The following CDH5 variants were observed in gnomAD, a reference collection of about 807,000 sequenced individuals.
The protein encoded by CDH5 is cadherin 5.
Under a neutral mutation model 62.0 loss-of-function variants are expected in CDH5, and 28 were observed. The observed-to-expected ratio is 0.45, with a 90% CI of 0.33 to 0.62. The LOEUF is 0.62. Among genes scored for constraint, CDH5 ranks in the 20% least tolerant of loss-of-function variants. The probability of loss-of-function intolerance (pLI) is 0.02; values close to 1 mark genes in which losing one functional copy is unlikely to be tolerated. For synonymous variants in CDH5, 464 were observed against 445.8 expected, an observed-to-expected ratio of 1.04 and a Z score of -0.52; for missense variants, 940 against 1,065.1, an observed-to-expected ratio of 0.88 and a Z score of 1.63.
At chr16:66,398,977 A>G (rs1961237124) in intron 10 of CDH5, among the ~76,000 whole-genome samples, 1 of 152,200 alleles carries the variant, frequency 6.6e-6, no homozygotes. Context: ...AGCGAGGAGT[A>G]CAGAACAGAT....
intron 7 of CDH5, 76 bp from the exon 8 acceptor site, chr16:66,395,983 G>T: frequency 6.8e-7 from 1 of 1,464,252 alleles, no homozygotes; most frequent in Non-Finnish European, 9.4e-7. Context: ...ATGCAGAAGG[G>T]CCTTGTCCAT....
At chr16:66,366,985 G>C (rs964560954) in intron 1 of CDH5, among the ~76,000 whole-genome samples, 1 of 152,246 alleles carries the variant, frequency 6.6e-6, no homozygotes, top group Non-Finnish European at 1.5e-5. Context: ...GCTGAGGGGG[G>C]CAGGGCAAGG....
At chr16:66,371,708 C>G (rs1306908757) in intron 1 of CDH5, among the ~76,000 whole-genome samples, 2 of 152,186 alleles carry the variant, frequency 1.3e-5, no homozygotes, top group Non-Finnish European at 2.9e-5. Context: ...CCAGACTTGG[C>G]CCCTGGAATC....
Position 66,379,562 on chromosome 16 carries a change from C to T in CDH5, c.210+15C>T. The T allele has an allele frequency of 6.2e-7, 1 of 1,612,414 alleles. No individual in the cohort carries two copies. The highest frequency in any genetic ancestry group is 8.5e-7 in the Non-Finnish European group (1 of 1,178,568). ...ATGTAGGCAAGGTAAGGCTCAAGCC[C>T]CAGGACAGGAGAAGCCATCAGCAGC... is the stretch of plus-strand genomic sequence containing the variant. On this transcript the variant is annotated intron_variant, in intron 2 of 11. Transcript: ENST00000341529.
chr16:66,400,865 G>A lies in CDH5; in HGVS notation c.1686G>A (p.Met562Ile). 6.2e-7 allele frequency: 1 copy of A among 1,614,218 alleles called. No individual in the cohort carries two copies. Among genetic ancestry groups the A allele is most frequent in the Non-Finnish European group, 8.5e-7 (1 of 1,180,050 alleles). Reference sequence around the variant, plus strand: ...CCGTGGTCATCTCAGACAATGGGATGCCAAGTCGCACGGGCACCAGCACGC... The same window carrying A: ...CCGTGGTCATCTCAGACAATGGGATACCAAGTCGCACGGGCACCAGCACGC... The part of the protein sequence containing the change: ...FLPVVISDNG[M>I]PSRTGTSTLT... Residue 562 changes from methionine to isoleucine, a missense_variant, in exon 11 of 12, where the codon ATG becomes ATA. Physicochemically the swap from Met to Ile is conservative, Grantham distance 10. Transcript: ENST00000341529.
chr16:66,401,097 G>A, intron 11 of CDH5, 81 bp downstream of exon 11: 5 of 1,578,458 alleles, frequency 3.2e-6, no homozygotes, highest in Non-Finnish European at 3.5e-6. Flanking sequence ...GGCTTCACAG[G>A]AAAAGTAGAG....
chr16:66,389,649 C>A, intron 5 of CDH5, 127 bp downstream of exon 5: 1 of 761,506 alleles, frequency 1.3e-6, no homozygotes, highest in East Asian at 3.1e-5. Flanking sequence ...GCCTGATGCC[C>A]AAAGGAGTCC....
intron 1 of CDH5, chr16:66,377,759 G>A (rs947402886): frequency 6.6e-6 from 1 of 152,206 alleles, no homozygotes; most frequent in Non-Finnish European, 1.5e-5. Context: ...AGAGGGTGGA[G>A]AGATAGAGTC....
rs567734776 is a variant in CDH5, at chr16:66,389,227, C to A, written c.617-131C>A. On this transcript the variant is annotated intron_variant, in intron 4 of 11. Coordinates refer to ENST00000341529, the MANE Select transcript of CDH5 (RefSeq NM_001795.5). Reference sequence around the variant, plus strand: ...ATGGAGGTAGTGGGTTGTAGACTCACAGTTCTCAGCCCCATTTGCACAGTG... The same window carrying A: ...ATGGAGGTAGTGGGTTGTAGACTCAAAGTTCTCAGCCCCATTTGCACAGTG... The A allele has an allele frequency of 5.8e-5, 48 of 827,640 alleles. No homozygotes were observed. In the South Asian group the frequency reaches 9.2e-4, roughly 16 times the overall value. The allele number at this position is 827,640 out of a possible 1,614,324, so 51.3% of individuals were successfully genotyped here. A position where few individuals can be genotyped will look rare whatever the true frequency, so the allele number is the denominator to read the frequency against.
At chr16:66,390,263 G>A in intron 5 of CDH5, 140 bp from the exon 6 acceptor site, 1 of 641,566 alleles carries the variant, frequency 1.6e-6, no homozygotes, top group South Asian at 2.6e-5. Context: ...TTTACCTTGA[G>A]AATCCCAGGG....
chr16:66,398,091 C>T lies in CDH5; in HGVS notation c.1470C>T (p.Asn490=), dbSNP rs370750196. The change falls in exon 9 of 12, where the codon AAC becomes AAT. Residue 490 remains asparagine (N), a synonymous_variant. Coordinates refer to ENST00000341529, the MANE Select transcript of CDH5 (RefSeq NM_001795.5). ...AKPYQPKVCE[N]AVHGQLVLQI... ...CCTACCAGCCCAAAGTGTGTGAGAA[C>T]GCTGTCCATGGCCAGGTGAGTCTGG... 47 of 1,614,200 alleles carry T rather than the reference C, an allele frequency of 2.9e-5. No homozygotes were observed. The highest frequency in any genetic ancestry group is 2.9e-4 in the South Asian group (26 of 91,084).
chr16:66,379,144 AT>A lies in CDH5; in HGVS notation c.-19-174del, dbSNP rs1242986806. Reference sequence around the variant, plus strand: ...CATGTTGTCCTAAAACCGACCTTTCATCCGAGTGCATGACTGCTCCCTGAAA... The same window carrying A: ...CATGTTGTCCTAAAACCGACCTTTCACCGAGTGCATGACTGCTCCCTGAAA... On this transcript the variant is annotated intron_variant, in intron 1 of 11. Coordinates refer to ENST00000341529, the MANE Select transcript of CDH5 (RefSeq NM_001795.5). 7.2e-6 allele frequency: 4 copies of A among 557,066 alleles called. No individual in the cohort carries two copies. The African/African-American group carries it at 9.9e-5, about 14-fold the overall frequency. The allele number at this position is 557,066 out of a possible 1,614,324, so 34.5% of individuals were successfully genotyped here. A position where few individuals can be genotyped will look rare whatever the true frequency, so the allele number is the denominator to read the frequency against.
In CDH5 at chr16:66,379,306, C is replaced by T. The variant is rs997316967; in HGVS notation, c.-19-13C>T. 6.4e-7 allele frequency: 1 copy of T among 1,571,920 alleles called. No individual in the cohort carries two copies. Among genetic ancestry groups the T allele is most frequent in the East Asian group, 2.3e-5 (1 of 44,214 alleles). ...CACTGGCCAGAGTCTGAATGTGTCT[C>T]CTCTTTCCCCAGATCTGTTCCTCCT... On this transcript the variant is annotated splice_polypyrimidine_tract_variant and intron_variant, in intron 1 of 11. Coordinates refer to ENST00000341529, the MANE Select transcript of CDH5 (RefSeq NM_001795.5).
At chr16:66,391,988 T>G in intron 6 of CDH5, 148 bp from the exon 7 acceptor site, 1 of 942,770 alleles carries the variant, frequency 1.1e-6, no homozygotes, top group Non-Finnish European at 1.6e-6. Flanking sequence ...CTTGATGACC[T>G]CAGAAATATC....
Position 66,398,456 on chromosome 16 carries a change from C to T in CDH5, c.1486C>T (p.Leu496=), listed in dbSNP as rs140393188. The change falls in exon 10 of 12, where the codon CTG becomes TTG. Residue 496 remains leucine (L), a splice_region_variant and synonymous_variant. Transcript: ENST00000341529. ...CCATCTCCTGTCTTCCACACTCCAG[C>T]TGGTCCTGCAGATCTCCGCAATAGA... The part of the protein sequence containing the change: ...KVCENAVHGQ[L]VLQISAIDKD... 1 of 1,589,702 alleles carries T rather than the reference C, an allele frequency of 6.3e-7. No individual in the cohort carries two copies. The highest frequency in any genetic ancestry group is 1.7e-5 in the Admixed American group (1 of 60,018).
chr16:66,398,521 C>T lies in CDH5; in HGVS notation c.1551C>T (p.Ile517=), dbSNP rs3826229. The T allele has an allele frequency of 0.36, 579,723 of 1,595,048 alleles. 107,487 individuals are homozygous for T. The highest frequency in any genetic ancestry group is 0.52 in the East Asian group (23,132 of 44,778). Residue 517 remains isoleucine (I), a synonymous_variant, in exon 10 of 12, where the codon ATC becomes ATT. Transcript: ENST00000341529. The part of the protein sequence containing the change: ...ITPRNVKFKF[I]LNTENNFTLT... ...CACGAAACGTGAAGTTCAAATTCAT[C>T]TTGAATACTGAGAACAACTTTACCC...
rs78550909 is a variant in CDH5, at chr16:66,378,318, C to A, written c.-19-1001C>A. On this transcript the variant is annotated intron_variant, in intron 1 of 11. Coordinates refer to ENST00000341529, the MANE Select transcript of CDH5 (RefSeq NM_001795.5). ...GGATTTGAACTTCCGGGCCAGACAA[C>A]CTTGGTTCAAATCCTGGCTGTGCTC... is the stretch of plus-strand genomic sequence containing the variant. Among the ~76,000 whole-genome samples, 1,355 of 152,306 alleles carry A rather than the reference C, an allele frequency of 8.9e-3. 21 individuals are homozygous for A. Among genetic ancestry groups the A allele is most frequent in the African/African-American group, 0.031 (1,294 of 41,556 alleles).
chr16:66,374,218 C>A (rs1960744136), intron 1 of CDH5, among the ~76,000 whole-genome samples: 1 of 152,172 alleles, frequency 6.6e-6, no homozygotes, highest in Non-Finnish European at 1.5e-5. Flanking sequence ...CAGCCCTCCT[C>A]CACCGTCCCA....
In CDH5 at chr16:66,388,373, G is replaced by A. The variant is rs755041783; in HGVS notation, c.549G>A (p.Val183=). 6 of 1,614,064 alleles carry A rather than the reference G, an allele frequency of 3.7e-6. No individual in the cohort carries two copies. In the South Asian group the frequency reaches 6.6e-5, roughly 18 times the overall value. ...VTAVDADDPT[V]GDHASVMYQI... ...CAGTGGATGCAGACGACCCCACTGT[G>A]GGAGACCACGCCTCTGTCATGTACC... Residue 183 remains valine, a synonymous_variant, in exon 4 of 12, where the codon GTG becomes GTA. Coordinates refer to ENST00000341529, the MANE Select transcript of CDH5 (RefSeq NM_001795.5).
Sources: gnomAD v4.1 joint callset for allele counts (sites outside exome capture counted in the v4.1 genomes callset) on GRCh38, gnomAD v4.1.1 for gene constraint, MANE v1.5 for transcripts, NCBI Gene and HGNC (gene_info 2026-07-23, HGNC 2026-07-21) for gene names.